Variants in DNAJA1 observed in about 807,000 individuals in gnomAD.
The protein encoded by DNAJA1 is DnaJ heat shock protein family (Hsp40) member A1, also known as dnaJ homolog subfamily A member 1.
In DNAJA1, 26 loss-of-function variants were observed where a neutral mutation model predicts 47.6. The ratio of observed to expected loss-of-function variants is 0.55; its 90% CI spans 0.40 to 0.76. DNAJA1 has a LOEUF of 0.76. Ranked by LOEUF, DNAJA1 falls within the 30% of genes least tolerant of loss-of-function variation. DNAJA1 has a pLI of 0.00. For missense variants in DNAJA1, 315 were observed against 485.0 expected (o/e 0.65, Z 3.29); for synonymous variants, 165 against 158.4 (o/e 1.04, Z -0.31).
At chr9:33,029,657 TA>T (rs1838929949) in intron 3 of DNAJA1, among the ~76,000 whole-genome samples, 1 of 152,260 alleles carries the variant, frequency 6.6e-6, no homozygotes, top group Non-Finnish European at 1.5e-5. Flanking sequence ...TCTGTGCCCT[TA>T]AGCAAATATT....
intron 3 of DNAJA1, among the ~76,000 whole-genome samples, chr9:33,029,180 T>C (rs1246599596): frequency 6.6e-6 from 1 of 152,264 alleles, no homozygotes; most frequent in African/African-American, 2.4e-5. Flanking sequence ...TTAGTCTAAA[T>C]GGCCACATTT....
rs1424010024 is a variant in DNAJA1 at position 33,036,662 on chromosome 9, C to T, written c.847C>T (p.Arg283Ter). Residue 283 changes from arginine (R) to a stop codon, truncating the protein, a stop_gained, in exon 7 of 9, where the codon CGA (arginine) becomes TGA (stop). Transcript: ENST00000330899. LOFTEE classifies it high-confidence loss of function. ...FQKPISTLDN[R>*]TIVITSHPGQ... ...GAAGCCAATATCTACTCTTGACAAC[C>T]GAACCATCGTCATCACCTCTCATCC... is the stretch of plus-strand genomic sequence containing the variant. The T allele has an allele frequency of 4.3e-6, 7 of 1,613,642 alleles. No homozygotes were observed. The highest frequency in any genetic ancestry group is 1.3e-5 in the African/African-American group (1 of 74,900).
intron 6 of DNAJA1, among the ~76,000 whole-genome samples, chr9:33,034,574 A>G (rs1839007142): frequency 6.6e-6 from 1 of 152,178 alleles, no homozygotes; most frequent in Non-Finnish European, 1.5e-5. Flanking sequence ...GAACCTAAGC[A>G]GCAGATGGGT....
rs529943584 is a variant in DNAJA1, at chr9:33,038,585, A to G, written c.976-100A>G. On this transcript the variant is annotated intron_variant, in intron 8 of 8. Transcript: ENST00000330899. ...CTGAGATTGGCAGATTCACCTAAAT[A>G]TTACGTGTTTACATGTGTTTTTCTG... 150 of 1,066,940 alleles carry G rather than the reference A, an allele frequency of 1.4e-4. 4 individuals are homozygous for G. The South Asian group carries it at 2.1e-3, about 15-fold the overall frequency. 66.1% of individuals were successfully genotyped at this position (1,066,940 alleles called of 1,614,324 possible).
intron 6 of DNAJA1, 106 bp downstream of exon 6, chr9:33,034,436 C>T: frequency 2.6e-6 from 2 of 767,846 alleles, no homozygotes; most frequent in East Asian, 2.7e-5. Flanking sequence ...ACTCTTAGAA[C>T]CTATTTCTCA....
chr9:33,038,567 T>A lies in DNAJA1; in HGVS notation c.976-118T>A, dbSNP rs917199447. On this transcript the variant is annotated intron_variant, in intron 8 of 8. Coordinates refer to ENST00000330899, the MANE Select transcript of DNAJA1 (RefSeq NM_001539.4). ...TTTAGAGCCTGTTCTAACCTGAGAT[T>A]GGCAGATTCACCTAAATATTACGTG... is the stretch of plus-strand genomic sequence containing the variant. 1.0e-5 allele frequency: 9 copies of A among 875,358 alleles called. No homozygotes were observed. The Admixed American group carries it at 2.4e-4, about 23-fold the overall frequency. The allele number at this position is 875,358 out of a possible 1,614,324, so 54.2% of individuals were successfully genotyped here.
intron 5 of DNAJA1, among the ~76,000 whole-genome samples, chr9:33,033,237 A>T (rs1455656855): frequency 6.6e-6 from 1 of 151,574 alleles, no homozygotes; most frequent in African/African-American, 2.4e-5. Context: ...TACGGACCAC[A>T]TGGGCTAAGG....
rs1839050111 is a variant in DNAJA1 at position 33,037,235 on chromosome 9, G to C, written c.975+120G>C. The stretch of plus-strand genomic sequence containing the variant: ...GCCTGTAATCCCCGCATTTTGAGAG[G>C]CTGAGGCAGGAGGATCCCTTGAGCC... On this transcript the variant is annotated intron_variant, in intron 8 of 8. Coordinates refer to ENST00000330899, the MANE Select transcript of DNAJA1 (RefSeq NM_001539.4). 12 of 732,696 alleles carry C rather than the reference G, an allele frequency of 1.6e-5. No homozygotes were observed. In the South Asian group the frequency reaches 2.3e-4, roughly 14 times the overall value. The allele number at this position is 732,696 out of a possible 1,614,324, so 45.4% of individuals were successfully genotyped here. A position where few individuals can be genotyped will look rare whatever the true frequency, so the allele number is the denominator to read the frequency against.
chr9:33,026,528 C>T lies in DNAJA1; in HGVS notation c.44C>T (p.Pro15Leu), dbSNP rs1294733734. 6.2e-7 allele frequency: 1 copy of T among 1,611,202 alleles called. No homozygotes were observed. Among genetic ancestry groups the T allele is most frequent in the Non-Finnish European group, 8.5e-7 (1 of 1,179,358 alleles). ...TACTACGATGTTTTGGGGGTCAAACCCAATGCTACTCAGGAAGAATTGAAA... is the reference window on the plus strand; with the variant it reads ...TACTACGATGTTTTGGGGGTCAAACTCAATGCTACTCAGGAAGAATTGAAA... ...TTYYDVLGVKPNATQEELKKA... is the reference protein window; with the variant it reads ...TTYYDVLGVKLNATQEELKKA... Residue 15 changes from proline to leucine, a missense_variant, in exon 2 of 9, where the codon CCC becomes CTC. Pro to Leu is a moderately conservative substitution (Grantham distance 98). This residue lies in a region of DNAJA1 where 100 missense variants were observed against 163.0 expected (regional missense o/e 0.61). Coordinates refer to ENST00000330899, the MANE Select transcript of DNAJA1 (RefSeq NM_001539.4).
chr9:33,031,289 G>A (rs1408030990), intron 5 of DNAJA1, among the ~76,000 whole-genome samples: 1 of 152,118 alleles, frequency 6.6e-6, no homozygotes. Context: ...GTAGAGACGG[G>A]GTTTCACCAT....
intron 7 of DNAJA1, 89 bp downstream of exon 7, chr9:33,036,778 G>A: frequency 2.1e-6 from 2 of 955,036 alleles, no homozygotes; most frequent in Non-Finnish European, 3.1e-6. Context: ...AGGCACTGAG[G>A]GAAACCCATT....
chr9:33,031,315 C>A (rs1173851091), intron 5 of DNAJA1, among the ~76,000 whole-genome samples: 1 of 152,148 alleles, frequency 6.6e-6, no homozygotes, highest in Non-Finnish European at 1.5e-5. Context: ...CCAGGCTGAT[C>A]TCGAACACTT....
Position 33,026,473 on chromosome 9 carries a change from A to C in DNAJA1, c.-10-2A>C, listed in dbSNP as rs763308783. The C allele has an allele frequency of 5.6e-6, 9 of 1,597,902 alleles. No homozygotes were observed. The highest frequency in any genetic ancestry group is 6.8e-6 in the Non-Finnish European group (8 of 1,175,956). ...GGTTAAAGTTGCATTTTCTTATTTC[A>C]GGCAGTAGAAGATGGTGAAAGAAAC... On this transcript the variant is annotated splice_acceptor_variant, in intron 1 of 8. Transcript: ENST00000330899. LOFTEE classifies it low-confidence loss of function (5UTR_SPLICE).
rs183027288 is a variant in DNAJA1 at position 33,029,669 on chromosome 9, T to C, written c.311-216T>C. Among the ~76,000 whole-genome samples the C allele has an allele frequency of 9.8e-5, 15 of 152,374 alleles. No individual in the cohort carries two copies. In the East Asian group the frequency reaches 2.7e-3, roughly 27 times the overall value. On this transcript the variant is annotated intron_variant, in intron 3 of 8. Coordinates refer to ENST00000330899, the MANE Select transcript of DNAJA1 (RefSeq NM_001539.4). ...ACGTCTGTGCCCTTAAGCAAATATT[T>C]AATCTCTGACCTGATTTTCCCTCAT... is the stretch of plus-strand genomic sequence containing the variant.
Position 33,037,196 on chromosome 9 carries a change from T to A in DNAJA1, c.975+81T>A, listed in dbSNP as rs1839049413. The A allele has an allele frequency of 2.5e-6, 3 of 1,207,386 alleles. No homozygotes were observed. The South Asian group carries it at 4.2e-5, about 17-fold the overall frequency. 74.8% of individuals were successfully genotyped at this position (1,207,386 alleles called of 1,614,324 possible). On this transcript the variant is annotated intron_variant, in intron 8 of 8. Transcript: ENST00000330899. ...ATAAAAAAGTAAAATTTCAGCCAGGTGCAAGTAGCTCATGCCTGTAATCCC... is the reference window on the plus strand; with the variant it reads ...ATAAAAAAGTAAAATTTCAGCCAGGAGCAAGTAGCTCATGCCTGTAATCCC...
At chr9:33,033,510 C>T (rs1200962034) in intron 5 of DNAJA1, among the ~76,000 whole-genome samples, 10 of 151,518 alleles carry the variant, frequency 6.6e-5, no homozygotes, top group South Asian at 2.1e-4. Flanking sequence ...CCAGCCTGAG[C>T]GACATGAGAA....
At chr9:33,027,030 G>T in intron 3 of DNAJA1, 40 bp downstream of exon 3, 1 of 1,612,196 alleles carries the variant, frequency 6.2e-7, no homozygotes, top group Middle Eastern at 1.7e-4. Context: ...ACTAAAGTTA[G>T]CTGTTGGTCA....
intron 5 of DNAJA1, among the ~76,000 whole-genome samples, chr9:33,033,880 T>C (rs926106296): frequency 3.3e-5 from 5 of 152,242 alleles, no homozygotes; most frequent in African/African-American, 2.4e-5. Flanking sequence ...AGTACCAGCA[T>C]ATACCTGTTG....
intron 8 of DNAJA1, among the ~76,000 whole-genome samples, chr9:33,037,745 C>T (rs1381952385): frequency 1.3e-5 from 2 of 152,070 alleles, no homozygotes; most frequent in Non-Finnish European, 2.9e-5. Flanking sequence ...TCTTTGTTAA[C>T]AAGTTGAGGA....
Sources: gnomAD v4.1 joint callset for allele counts (sites outside exome capture counted in the v4.1 genomes callset) on GRCh38, gnomAD v4.1.1 for gene constraint, gnomAD v4.1.1 regional missense constraint, MANE v1.5 for transcripts, NCBI Gene and HGNC (gene_info 2026-07-23, HGNC 2026-07-21) for gene names.